HOOK3: variants seen among roughly 807,000 people sequenced by gnomAD.
HOOK3 encodes protein Hook homolog 3.
Under a neutral mutation model 116.3 loss-of-function variants are expected in HOOK3, and 24 were observed. The observed-to-expected ratio is 0.21, with a 90% CI of 0.15 to 0.29. The LOEUF (loss-of-function observed/expected upper bound fraction) is 0.29, where lower values mean the gene tolerates loss of function less well. Ranked by LOEUF, HOOK3 falls within the 10% of genes least tolerant of loss-of-function variation. The pLI, the probability that HOOK3 is intolerant of heterozygous loss-of-function variation, is 1.00. For synonymous variants in HOOK3, 275 were observed against 283.0 expected (o/e 0.97, Z 0.28); for missense variants, 632 against 830.2 (o/e 0.76, Z 2.93).
At chr8:42,911,233 C>G (rs558130405) in intron 2 of HOOK3, among the ~76,000 whole-genome samples, 20 of 152,288 alleles carry the variant, frequency 1.3e-4, no homozygotes, top group African/African-American at 4.8e-4. Flanking sequence ...GGGTGGATCA[C>G]CTGAGGTCAG....
At position 43,021,670 on chromosome 8, in the gene HOOK3, CTT is replaced by C. The variant is rs1165857231; in HGVS notation, c.*3185_*3186del. ...GATGTTTACATTTATAATTTTCTTT[CTT>C]TTTTTTTTTTTTGTGAGATGATGTC... On this transcript the variant is annotated 3_prime_UTR_variant, in exon 22 of 22. Transcript: ENST00000307602. The C allele has an allele frequency of 1.5e-3, 222 of 148,878 alleles. No homozygotes were observed. Among genetic ancestry groups the C allele is most frequent in the East Asian group, 6.8e-3 (50 of 7,304 alleles). The allele number at this position is 148,878 out of a possible 1,614,324, so 9.2% of individuals were successfully genotyped here.
chr8:42,955,529 T>C (rs561639726), intron 6 of HOOK3, among the ~76,000 whole-genome samples: 1 of 152,228 alleles, frequency 6.6e-6, no homozygotes, highest in African/African-American at 2.4e-5. Flanking sequence ...GAGAAAATAA[T>C]TGATTAAACA....
At chr8:42,965,419 A>G (rs968023185) in intron 9 of HOOK3, among the ~76,000 whole-genome samples, 2 of 152,176 alleles carry the variant, frequency 1.3e-5, no homozygotes, top group African/African-American at 2.4e-5. Flanking sequence ...TAAAGGAACA[A>G]TCTTCCAGAC....
intron 1 of HOOK3, among the ~76,000 whole-genome samples, chr8:42,904,644 C>G (rs1177737802): frequency 6.6e-6 from 1 of 152,122 alleles, no homozygotes; most frequent in Non-Finnish European, 1.5e-5. Flanking sequence ...AACCTCATGG[C>G]TCACTCCCCT....
intron 13 of HOOK3, among the ~76,000 whole-genome samples, chr8:42,976,949 A>G (rs1808841942): frequency 6.6e-6 from 1 of 152,198 alleles, no homozygotes; most frequent in Non-Finnish European, 1.5e-5. Flanking sequence ...GCAGATTCCC[A>G]GGTCCACTCA....
intron 4 of HOOK3, among the ~76,000 whole-genome samples, chr8:42,938,217 C>CTTTTTTTTT (rs145868661): frequency 1.7e-4 from 23 of 132,290 alleles, no homozygotes; most frequent in African/African-American, 6.0e-4. Flanking sequence ...GCAACCCCTG[C>CTTTTTTTTT]TTTTTTTTTT....
intron 11 of HOOK3, 152 bp from the exon 12 acceptor site, chr8:42,973,137 T>C: frequency 1.4e-6 from 1 of 720,742 alleles, no homozygotes; most frequent in Non-Finnish European, 2.1e-6. Flanking sequence ...CAGGTTTTTA[T>C]TCCTAGTTCT....
intron 2 of HOOK3, among the ~76,000 whole-genome samples, chr8:42,924,352 G>C (rs777095887): frequency 2.7e-4 from 35 of 129,518 alleles, no homozygotes; most frequent in Middle Eastern, 3.7e-3. Context: ...TTCCTTCCTA[G>C]TGTTTATTAG....
intron 15 of HOOK3, among the ~76,000 whole-genome samples, chr8:42,987,666 T>C (rs1191033838): frequency 3.9e-5 from 6 of 152,222 alleles, no homozygotes; most frequent in Non-Finnish European, 7.3e-5. Context: ...AAATCACTTT[T>C]CTGCTTGTAA....
chr8:43,002,034 C>A (rs765176327), intron 16 of HOOK3, 73 bp from the exon 17 acceptor site: 3 of 1,040,208 alleles, frequency 2.9e-6, no homozygotes, highest in African/African-American at 1.6e-5. Flanking sequence ...GACTATTGTA[C>A]TTTTAACTTA....
chr8:42,906,148 C>T (rs371480707), intron 1 of HOOK3, 25 bp from the exon 2 acceptor site: 21 of 1,016,660 alleles, frequency 2.1e-5, no homozygotes, highest in Non-Finnish European at 2.7e-5. Context: ...GAATCTCTCC[C>T]CCCCCCCTCT....
intron 13 of HOOK3, among the ~76,000 whole-genome samples, chr8:42,981,039 A>G (rs1387246593): frequency 6.6e-6 from 1 of 150,558 alleles, no homozygotes; most frequent in East Asian, 2.0e-4. Flanking sequence ...CTGCCTCTAG[A>G]ATTGTAAATA....
chr8:43,018,166 C>T (rs568707916), intron 21 of HOOK3, among the ~76,000 whole-genome samples, 192 bp from the exon 22 acceptor site: 2 of 152,160 alleles, frequency 1.3e-5, no homozygotes, highest in East Asian at 3.9e-4. Flanking sequence ...CTGAATTTTT[C>T]CAAAAGAAAA....
At chr8:42,963,587 T>C (rs1808576225) in intron 8 of HOOK3, among the ~76,000 whole-genome samples, 1 of 152,214 alleles carries the variant, frequency 6.6e-6, no homozygotes, top group African/African-American at 2.4e-5. Flanking sequence ...CTTTAAGAAA[T>C]TGCTAAACTA....
chr8:42,960,930 G>A (rs1265043121), intron 8 of HOOK3, among the ~76,000 whole-genome samples: 1 of 152,168 alleles, frequency 6.6e-6, no homozygotes, highest in Non-Finnish European at 1.5e-5. Flanking sequence ...CGTTTAATTG[G>A]CTCACGGTTC....
intron 21 of HOOK3, among the ~76,000 whole-genome samples, chr8:43,016,514 A>G (rs1424059384): frequency 6.6e-6 from 1 of 152,218 alleles, no homozygotes; most frequent in African/African-American, 2.4e-5. Context: ...CATCATGCTT[A>G]CATTCAGAAA....
chr8:42,985,356 AT>A (rs1460763428), intron 14 of HOOK3, among the ~76,000 whole-genome samples: 2 of 152,220 alleles, frequency 1.3e-5, no homozygotes, highest in Non-Finnish European at 2.9e-5. Context: ...ATAAGTAACG[AT>A]TTTAATGTCA....
chr8:42,970,561 C>T (rs1808707539), intron 11 of HOOK3, among the ~76,000 whole-genome samples: 2 of 152,044 alleles, frequency 1.3e-5, no homozygotes, highest in Admixed American at 1.3e-4. Flanking sequence ...AGATTTTGTG[C>T]ATATTTCATT....
chr8:43,003,174 C>T (rs1198423037), intron 17 of HOOK3, among the ~76,000 whole-genome samples: 1 of 152,118 alleles, frequency 6.6e-6, no homozygotes, highest in Non-Finnish European at 1.5e-5. Flanking sequence ...TGTGCTAAAC[C>T]AGACATCCTC....
Sources: gnomAD v4.1 joint callset for allele counts (sites outside exome capture counted in the v4.1 genomes callset) on GRCh38, gnomAD v4.1.1 for gene constraint, MANE v1.5 for transcripts, NCBI Gene and HGNC (gene_info 2026-07-23, HGNC 2026-07-21) for gene names.